The following ATP5MK variants were observed in gnomAD, a reference collection of about 807,000 sequenced individuals.
The protein encoded by ATP5MK is ATP synthase membrane subunit k, also known as ATP synthase F(0) complex subunit k, mitochondrial.
A neutral mutation model predicts 6.6 loss-of-function variants in ATP5MK; 5 were observed. The ratio of observed to expected loss-of-function variants is 0.76; its 90% CI spans 0.40 to 1.60. ATP5MK has a LOEUF of 1.60. Among genes scored for constraint, ATP5MK ranks in the 40% most tolerant of loss-of-function variants. The pLI is 0.02. For synonymous variants in ATP5MK, 30 were observed against 24.5 expected, an observed-to-expected ratio of 1.22 and a Z score of -0.66; for missense variants, 57 against 66.6, an observed-to-expected ratio of 0.86 and a Z score of 0.50.
At chr10:103,392,328 A>G (rs760916761) in intron 3 of ATP5MK, 43 bp downstream of exon 3, 1 of 1,595,490 alleles carries the variant, frequency 6.3e-7, no homozygotes, top group Non-Finnish European at 8.5e-7. Flanking sequence ...TGTTCCATCT[A>G]TATTATTTTA....
In ATP5MK at chr10:103,392,393, TAA is replaced by T; in HGVS notation, c.63_64del (p.Thr23SerfsTer4). The T allele has an allele frequency of 6.2e-7, 1 of 1,608,318 alleles. No homozygotes were observed. The highest frequency in any genetic ancestry group is 8.5e-7 in the Non-Finnish European group (1 of 1,178,104). ...TACGTTCATTCTACCTGTGAGAGTATAAGAGTTGAAATATTTTTTAATACCAG... is the reference window on the plus strand; with the variant it reads ...TACGTTCATTCTACCTGTGAGAGTATGAGTTGAAATATTTTTTAATACCAG... On this transcript the variant is annotated frameshift_variant, in exon 3 of 5. Coordinates refer to ENST00000369815, the MANE Select transcript of ATP5MK (RefSeq NM_001206427.2). LOFTEE classifies it high-confidence loss of function.
At chr10:103,394,911 G>A (rs1227131620) in intron 2 of ATP5MK, among the ~76,000 whole-genome samples, 2 of 151,906 alleles carry the variant, frequency 1.3e-5, no homozygotes, top group African/African-American at 4.8e-5. Context: ...CTTTTTAGGA[G>A]GATATGCCCA....
rs1482852375 is a variant in ATP5MK at position 103,396,042 on chromosome 10, T to C, written c.-296-10A>G. 2.0e-5 allele frequency: 3 copies of C among 152,222 alleles called. No homozygotes were observed. The highest frequency in any genetic ancestry group is 7.2e-5 in the African/African-American group (3 of 41,440). 9.4% of individuals were successfully genotyped at this position (152,222 alleles called of 1,614,324 possible). A position where few individuals can be genotyped will look rare whatever the true frequency, so the allele number is the denominator to read the frequency against. On this transcript the variant is annotated splice_polypyrimidine_tract_variant and intron_variant, in intron 1 of 4. Coordinates refer to ENST00000369815, the MANE Select transcript of ATP5MK (RefSeq NM_001206427.2). ...CGGTGGGAACAAACAGCTATGGACA[T>C]ACAGAAGAAAAGAGGTTAATTCGGC... is the stretch of plus-strand genomic sequence containing the variant.
chr10:103,390,465 G>A (rs1483620949), intron 4 of ATP5MK, among the ~76,000 whole-genome samples: 1 of 151,968 alleles, frequency 6.6e-6, no homozygotes, highest in African/African-American at 2.4e-5. Flanking sequence ...CTTCACTCCA[G>A]CCTGGGCAAC....
Position 103,392,361 on chromosome 10 carries a change from C to G in ATP5MK, c.87+10G>C. 1 of 1,594,340 alleles carries G rather than the reference C, an allele frequency of 6.3e-7. No individual in the cohort carries two copies. The highest frequency in any genetic ancestry group is 2.2e-5 in the East Asian group (1 of 44,680). On this transcript the variant is annotated intron_variant, in intron 3 of 4. Coordinates refer to ENST00000369815, the MANE Select transcript of ATP5MK (RefSeq NM_001206427.2). ...TTAAAATATAACTGCTTAAAGTTAT[C>G]AATACTTACGTTCATTCTACCTGTG... is the stretch of plus-strand genomic sequence containing the variant.
intron 2 of ATP5MK, among the ~76,000 whole-genome samples, chr10:103,393,617 CT>C (rs1342232245): frequency 1.3e-5 from 2 of 151,652 alleles, no homozygotes; most frequent in African/African-American, 4.8e-5. Context: ...AATAAATAAA[CT>C]GGTACAACCT....
rs2093405215 is a variant in ATP5MK at position 103,389,061 on chromosome 10, C to T, written c.*109G>A. On this transcript the variant is annotated 3_prime_UTR_variant, in exon 5 of 5. Coordinates refer to ENST00000369815, the MANE Select transcript of ATP5MK (RefSeq NM_001206427.2). ...TAAAGACAACCAGCTTTTCCAGGTT[C>T]ATAATTTATTGTACAAATTGAATTA... is the stretch of plus-strand genomic sequence containing the variant. 6.6e-6 allele frequency: 1 copy of T among 152,620 alleles called. No homozygotes were observed. Among genetic ancestry groups the T allele is most frequent in the African/African-American group, 2.4e-5 (1 of 41,446 alleles). 9.5% of individuals were successfully genotyped at this position (152,620 alleles called of 1,614,324 possible).
chr10:103,392,218 T>A lies in ATP5MK; in HGVS notation c.153A>T (p.Lys51Asn). The A allele has an allele frequency of 6.2e-7, 1 of 1,613,500 alleles. No individual in the cohort carries two copies. Among genetic ancestry groups the A allele is most frequent in the Non-Finnish European group, 8.5e-7 (1 of 1,179,874 alleles). Residue 51 changes from lysine (K) to asparagine (N), a missense_variant, in exon 4 of 5, where the codon AAA (lysine) becomes AAT (asparagine). Lys to Asn is a moderately conservative substitution (Grantham distance 94). Coordinates refer to ENST00000369815, the MANE Select transcript of ATP5MK (RefSeq NM_001206427.2). ...TTTATGTTGCTTTCACAGCTGGAGT[T>A]TTTTTGGACCTTAACTTGAAATATA... Reference protein sequence around the residue: ...IVLYFKLRSKKTPAVKAT With the variant: ...IVLYFKLRSKNTPAVKAT
At chr10:103,390,923 A>G (rs980899891) in intron 4 of ATP5MK, among the ~76,000 whole-genome samples, 1 of 152,234 alleles carries the variant, frequency 6.6e-6, no homozygotes, top group Admixed American at 6.5e-5. Context: ...ATTATAAGAA[A>G]ATAAAACCTA....
Position 103,392,359 on chromosome 10 carries a change from A to G in ATP5MK, c.87+12T>C. 6.3e-7 allele frequency: 1 copy of G among 1,595,470 alleles called. No homozygotes were observed. ...TTTTAAAATATAACTGCTTAAAGTT[A>G]TCAATACTTACGTTCATTCTACCTG... is the stretch of plus-strand genomic sequence containing the variant. On this transcript the variant is annotated intron_variant, in intron 3 of 4. Transcript: ENST00000369815.
At chr10:103,394,704 CTG>C (rs1211392418) in intron 2 of ATP5MK, among the ~76,000 whole-genome samples, 1 of 151,980 alleles carries the variant, frequency 6.6e-6, no homozygotes, top group African/African-American at 2.4e-5. Context: ...TAGCTATCAA[CTG>C]TTCCACTTTA....
intron 2 of ATP5MK, chr10:103,394,066 A>T (rs1251322003): frequency 4.2e-6 from 1 of 237,346 alleles, no homozygotes; most frequent in Non-Finnish European, 8.8e-6. Context: ...AATCTATTTT[A>T]ATAAGGCTTC....
intron 2 of ATP5MK, among the ~76,000 whole-genome samples, chr10:103,393,598 TAAATA>T (rs2093421183): frequency 6.6e-6 from 1 of 150,544 alleles, no homozygotes; most frequent in African/African-American, 2.4e-5. Flanking sequence ...AAAAAATAAA[TAAATA>T]AAAAATAAAT....
intron 4 of ATP5MK, among the ~76,000 whole-genome samples, chr10:103,391,015 T>C (rs781773398): frequency 3.9e-5 from 6 of 152,132 alleles, no homozygotes; most frequent in Admixed American, 1.3e-4. Flanking sequence ...ATATAAAAGG[T>C]TGGTTAATGA....
intron 4 of ATP5MK, among the ~76,000 whole-genome samples, chr10:103,390,503 T>G (rs117222357): frequency 0.016 from 2,337 of 145,276 alleles, 34 homozygotes; most frequent in East Asian, 0.05. Context: ...AAGAAAAATA[T>G]CCGGGCTGGG....
At chr10:103,395,168 GT>G (rs1349531683) in intron 2 of ATP5MK, among the ~76,000 whole-genome samples, 1 of 152,132 alleles carries the variant, frequency 6.6e-6, no homozygotes, top group African/African-American at 2.4e-5. Context: ...GAAAAATTTG[GT>G]TCTGCACTCT....
At chr10:103,394,516 A>C (rs1291998357) in intron 2 of ATP5MK, 1 of 360,262 alleles carries the variant, frequency 2.8e-6, no homozygotes. Context: ...AAATTTGAGA[A>C]AAATGACCTT....
intron 2 of ATP5MK, among the ~76,000 whole-genome samples, chr10:103,394,929 T>C (rs1203349671): frequency 2.0e-5 from 3 of 152,094 alleles, no homozygotes; most frequent in African/African-American, 7.2e-5. Context: ...CCAACAATAC[T>C]ACAGCGCTTT....
intron 1 of ATP5MK, 129 bp downstream of exon 1, chr10:103,396,280 T>A (rs2093434612): frequency 6.6e-6 from 1 of 152,296 alleles, no homozygotes; most frequent in African/African-American, 2.4e-5. Flanking sequence ...TTTTTCTAGC[T>A]CCTTTCCCAT....
Sources: gnomAD v4.1 joint callset for allele counts (sites outside exome capture counted in the v4.1 genomes callset) on GRCh38, gnomAD v4.1.1 for gene constraint, MANE v1.5 for transcripts, NCBI Gene and HGNC (gene_info 2026-07-23, HGNC 2026-07-21) for gene names.